The following CSMD1 variants were observed in gnomAD, a reference collection of about 807,000 sequenced individuals.
CSMD1 encodes the protein CUB and Sushi multiple domains 1.
Under a neutral mutation model 417.5 loss-of-function variants are expected in CSMD1, and 213 were observed. That is an observed-to-expected ratio of 0.51 (90% CI 0.46 to 0.57). The LOEUF (loss-of-function observed/expected upper bound fraction) is 0.57. Among genes scored for constraint, CSMD1 ranks in the 20% least tolerant of loss-of-function variants. The probability of loss-of-function intolerance (pLI) is 0.00; values close to 1 mark genes in which losing one functional copy is unlikely to be tolerated. For missense variants in CSMD1, 6,923 were observed against 4,529.7 expected, an observed-to-expected ratio of 1.53 and a Z score of -15.17; for synonymous variants, 2,862 against 1,736.8, an observed-to-expected ratio of 1.65 and a Z score of -16.11.
chr8:4,781,622 T>C (rs866436344), intron 1 of CSMD1, among the ~76,000 whole-genome samples: 1 of 152,372 alleles, frequency 6.6e-6, no homozygotes. Flanking sequence ...TTGTACTTTC[T>C]GATCCTGTAC....
chr8:4,403,594 C>G (rs1175572597), intron 3 of CSMD1, among the ~76,000 whole-genome samples: 2 of 152,196 alleles, frequency 1.3e-5, no homozygotes, highest in African/African-American at 2.4e-5. Context: ...GGACAGTACA[C>G]ACTCCTAAGA....
chr8:3,338,066 G>A (rs190898975), intron 23 of CSMD1, among the ~76,000 whole-genome samples: 8 of 152,304 alleles, frequency 5.3e-5, no homozygotes, highest in South Asian at 2.1e-4. Context: ...CCAAGCAGGC[G>A]TTGTGGGATT....
intron 10 of CSMD1, among the ~76,000 whole-genome samples, chr8:3,551,178 G>A (rs562122613): frequency 7.4e-4 from 113 of 152,264 alleles, no homozygotes; most frequent in South Asian, 2.9e-3. Context: ...GGCATAGGGC[G>A]TTCAAAGATT....
intron 10 of CSMD1, among the ~76,000 whole-genome samples, chr8:3,520,202 A>G (rs1304980748): frequency 6.6e-6 from 1 of 152,036 alleles, no homozygotes; most frequent in Non-Finnish European, 1.5e-5. Flanking sequence ...ATAATTTTTA[A>G]AAGTACTTCA....
rs138523546 is a variant in CSMD1, at chr8:4,148,357, G to T, written c.416-116258C>A. Among the ~76,000 whole-genome samples, 434 of 126,518 alleles carry T rather than the reference G, an allele frequency of 3.4e-3. 3 individuals are homozygous for T. Among genetic ancestry groups the T allele is most frequent in the African/African-American group, 0.012 (391 of 33,972 alleles). The allele number at this position is 126,518 out of a possible 152,430, so 83.0% of individuals were successfully genotyped here. A position where few individuals can be genotyped will look rare whatever the true frequency, so the allele number is the denominator to read the frequency against. ...CAGAGGAAGGGAAACATCACACACC[G>T]GTGCCTGTTGTGGGGTGGGGGGAGG... is the stretch of plus-strand genomic sequence containing the variant. On this transcript the variant is annotated intron_variant, in intron 3 of 69. Transcript: ENST00000635120.
intron 41 of CSMD1, among the ~76,000 whole-genome samples, chr8:3,121,737 T>C (rs1817219376): frequency 6.6e-6 from 1 of 152,090 alleles, no homozygotes; most frequent in Admixed American, 6.5e-5. Flanking sequence ...AGTCGAATGC[T>C]GCAGTGAGCT....
chr8:4,117,732 G>T (rs569658256), intron 3 of CSMD1, among the ~76,000 whole-genome samples: 1 of 152,282 alleles, frequency 6.6e-6, no homozygotes, highest in Admixed American at 6.5e-5. Flanking sequence ...TTTTAGAGAA[G>T]TAAGTTTAGA....
At chr8:4,438,684 A>T (rs533835687) in intron 2 of CSMD1, among the ~76,000 whole-genome samples, 1 of 152,334 alleles carries the variant, frequency 6.6e-6, no homozygotes, top group Admixed American at 6.5e-5. Flanking sequence ...CCACTTATGC[A>T]AACTCTTGCG....
At position 3,611,170 on chromosome 8, in the gene CSMD1, C is replaced by T. The variant is rs568595715; in HGVS notation, c.1097+5540G>A. 2.0e-3 allele frequency among the ~76,000 whole-genome samples: 307 copies of T among 151,292 alleles called. 1 individual carries two copies. The highest frequency in any genetic ancestry group is 3.4e-3 in the Middle Eastern group (1 of 294). On this transcript the variant is annotated intron_variant, in intron 8 of 69. Coordinates refer to ENST00000635120, the MANE Select transcript of CSMD1 (RefSeq NM_033225.6). ...ATGGCTGCAGCACACCAGCATGGCA[C>T]ATGTATACATACGTAACTAACCTGC...
intron 5 of CSMD1, among the ~76,000 whole-genome samples, chr8:3,877,592 T>C (rs1014579249): frequency 4.6e-5 from 7 of 152,182 alleles, no homozygotes; most frequent in African/African-American, 1.7e-4. Flanking sequence ...CACTGTTAGA[T>C]CTAACAACCA....
intron 3 of CSMD1, among the ~76,000 whole-genome samples, chr8:4,213,413 G>A (rs535200354): frequency 3.9e-5 from 6 of 152,268 alleles, no homozygotes; most frequent in Admixed American, 6.5e-5. Context: ...ATCACTGCTG[G>A]TAGTGCTTAT....
rs559003424 is a variant in CSMD1, at chr8:3,175,527, T to G, written c.5725+5583A>C. Among the ~76,000 whole-genome samples the G allele has an allele frequency of 3.2e-3, 468 of 144,674 alleles. 4 individuals carry two copies. The highest frequency in any genetic ancestry group is 3.6e-3 in the Non-Finnish European group (234 of 65,210). The allele number at this position is 144,674 out of a possible 152,430, so 94.9% of individuals were successfully genotyped here. A position where few individuals can be genotyped will look rare whatever the true frequency, so the allele number is the denominator to read the frequency against. On this transcript the variant is annotated intron_variant, in intron 37 of 69. Transcript: ENST00000635120. Reference sequence around the variant, plus strand: ...TGCCTGCCTTTTTTCCTTCCTTCCTTCCTTCCTTCTTCCCTCCCTCCCTCT... The same window carrying G: ...TGCCTGCCTTTTTTCCTTCCTTCCTGCCTTCCTTCTTCCCTCCCTCCCTCT...
At chr8:4,462,295 A>G (rs570512618) in intron 2 of CSMD1, among the ~76,000 whole-genome samples, 14 of 152,370 alleles carry the variant, frequency 9.2e-5, no homozygotes, top group South Asian at 8.3e-4. Flanking sequence ...ATTTAACAAA[A>G]TAAGTACAAA....
At chr8:4,017,374 T>C (rs932446676) in intron 4 of CSMD1, among the ~76,000 whole-genome samples, 1 of 152,138 alleles carries the variant, frequency 6.6e-6, no homozygotes, top group African/African-American at 2.4e-5. Flanking sequence ...GGTGCGATCT[T>C]GGCTCACTAC....
intron 3 of CSMD1, among the ~76,000 whole-genome samples, chr8:4,323,021 C>A (rs1055503832): frequency 2.0e-5 from 3 of 152,130 alleles, no homozygotes; most frequent in Non-Finnish European, 4.4e-5. Context: ...AAATAAAATG[C>A]AGCAGGAATC....
At position 4,419,942 on chromosome 8, in the gene CSMD1, C is replaced by G. The variant is rs373538107; in HGVS notation, c.415+11G>C. On this transcript the variant is annotated intron_variant, in intron 3 of 69. Transcript: ENST00000635120. ...AGTGAATGCATGTGCAAAACACAAC[C>G]AATCTCCTACCTTCATATAATGCTT... 1.4e-4 allele frequency: 209 copies of G among 1,533,266 alleles called. 1 individual carries two copies. The African/African-American group carries it at 2.3e-3, about 17-fold the overall frequency. The allele number at this position is 1,533,266 out of a possible 1,614,324, so 95.0% of individuals were successfully genotyped here. A position where few individuals can be genotyped will look rare whatever the true frequency, so the allele number is the denominator to read the frequency against.
chr8:3,345,536 A>G (rs1215282558), intron 22 of CSMD1, among the ~76,000 whole-genome samples: 1 of 152,200 alleles, frequency 6.6e-6, no homozygotes, highest in African/African-American at 2.4e-5. Flanking sequence ...TTGATTTCTG[A>G]TTCCAATTGG....
intron 5 of CSMD1, among the ~76,000 whole-genome samples, chr8:3,869,691 C>A (rs758925226): frequency 5.3e-5 from 8 of 152,098 alleles, no homozygotes; most frequent in Non-Finnish European, 1.0e-4. Flanking sequence ...CAGGTGCGCG[C>A]AGCCAGGAGC....
intron 1 of CSMD1, among the ~76,000 whole-genome samples, chr8:4,653,702 C>A (rs1296640926): frequency 2.0e-5 from 3 of 151,994 alleles, no homozygotes; most frequent in Non-Finnish European, 4.4e-5. Context: ...AAGCATAACA[C>A]AAATGGCAGA....
Sources: allele counts gnomAD v4.1 joint callset (sites outside exome capture counted in the v4.1 genomes callset), GRCh38; gene constraint gnomAD v4.1.1; transcripts MANE v1.5; gene names NCBI Gene and HGNC (gene_info 2026-07-23, HGNC 2026-07-21).